MYO5B: variants seen among roughly 807,000 people sequenced by gnomAD.
MYO5B encodes unconventional myosin-Vb.
In MYO5B, 143 loss-of-function variants were observed where a neutral mutation model predicts 229.3. The ratio of observed to expected loss-of-function variants is 0.62; its 90% CI spans 0.54 to 0.72. The LOEUF (loss-of-function observed/expected upper bound fraction) is 0.72. Ranked by LOEUF, MYO5B falls within the 30% of genes least tolerant of loss-of-function variation. MYO5B has a pLI of 0.00. For missense variants in MYO5B, 2,321 were observed against 2,331.0 expected (o/e 1.00, Z 0.09); for synonymous variants, 918 against 885.2 (o/e 1.04, Z -0.66).
chr18:50,104,928 C>T (rs758209370), intron 1 of MYO5B, among the ~76,000 whole-genome samples: 3 of 152,064 alleles, frequency 2.0e-5, no homozygotes, highest in African/African-American at 4.8e-5. Context: ...CACTTGTGGG[C>T]TGGCTGGTGC....
chr18:49,915,138 CT>C (rs201281103), intron 17 of MYO5B, among the ~76,000 whole-genome samples: 6 of 151,612 alleles, frequency 4.0e-5, no homozygotes, highest in South Asian at 2.1e-4. Flanking sequence ...CTCCCTTTTC[CT>C]TTTTTTTTCC....
At chr18:49,851,936 TGAG>T (rs1350270310) in intron 31 of MYO5B, among the ~76,000 whole-genome samples, 6 of 152,144 alleles carry the variant, frequency 3.9e-5, no homozygotes, top group Admixed American at 1.3e-4. Flanking sequence ...TCTGGGCAAA[TGAG>T]GAGGACCACG....
At chr18:50,001,177 C>G (rs1357516849) in intron 5 of MYO5B, 78 bp downstream of exon 5, 3 of 1,591,058 alleles carry the variant, frequency 1.9e-6, no homozygotes, top group Non-Finnish European at 2.6e-6. Flanking sequence ...GGCTGCCACC[C>G]AGGCTTGACG....
chr18:50,006,256 T>A (rs187160725), intron 4 of MYO5B, among the ~76,000 whole-genome samples: 307 of 152,318 alleles, frequency 2.0e-3, no homozygotes, highest in African/African-American at 7.1e-3. Flanking sequence ...TCTGACCCAA[T>A]GTCCTTCAAA....
chr18:49,991,695 G>A (rs2025934555), intron 6 of MYO5B, among the ~76,000 whole-genome samples: 1 of 152,246 alleles, frequency 6.6e-6, no homozygotes, highest in Middle Eastern at 3.4e-3. Context: ...GCTAGGGGAG[G>A]GATAGCATTA....
At chr18:49,977,987 C>T (rs1242991513) in intron 9 of MYO5B, among the ~76,000 whole-genome samples, 4 of 152,226 alleles carry the variant, frequency 2.6e-5, no homozygotes, top group South Asian at 2.1e-4. Context: ...TTGGCCATCT[C>T]GACTTAGAGT....
intron 29 of MYO5B, among the ~76,000 whole-genome samples, chr18:49,861,951 T>C (rs1186951212): frequency 2.6e-5 from 4 of 152,076 alleles, no homozygotes; most frequent in Non-Finnish European, 5.9e-5. Flanking sequence ...ATTCTATTAG[T>C]TGAGGTAAGA....
intron 2 of MYO5B, among the ~76,000 whole-genome samples, chr18:50,043,673 T>G (rs1490321167): frequency 2.9e-5 from 4 of 139,568 alleles, no homozygotes; most frequent in Non-Finnish European, 6.1e-5. Flanking sequence ...ATAAAATATA[T>G]TTATAAATAT....
intron 1 of MYO5B, among the ~76,000 whole-genome samples, chr18:50,094,805 C>T (rs1332074418): frequency 6.6e-6 from 1 of 151,940 alleles, no homozygotes; most frequent in Non-Finnish European, 1.5e-5. Flanking sequence ...GGATCTATTG[C>T]CTATGGACTT....
intron 29 of MYO5B, among the ~76,000 whole-genome samples, chr18:49,862,492 G>A (rs768277650): frequency 5.3e-5 from 8 of 152,172 alleles, no homozygotes; most frequent in Non-Finnish European, 8.8e-5. Context: ...CCAGTTCACA[G>A]ATGAGGCAAC....
chr18:50,052,303 C>G (rs1320561910), intron 2 of MYO5B, among the ~76,000 whole-genome samples: 1 of 151,056 alleles, frequency 6.6e-6, no homozygotes, highest in Non-Finnish European at 1.5e-5. Flanking sequence ...TTGGAACCAA[C>G]CCAAATGTCC....
chr18:49,837,203 T>C (rs1247935306), intron 37 of MYO5B, among the ~76,000 whole-genome samples: 1 of 152,266 alleles, frequency 6.6e-6, no homozygotes, highest in African/African-American at 2.4e-5. Flanking sequence ...TATACTTCTA[T>C]GTGAGCCTTC....
At chr18:49,861,984 G>A (rs931576035) in intron 29 of MYO5B, among the ~76,000 whole-genome samples, 1 of 150,802 alleles carries the variant, frequency 6.6e-6, no homozygotes, top group Non-Finnish European at 1.5e-5. Flanking sequence ...CAGGGAAGAG[G>A]CCAGCTCCAT....
intron 5 of MYO5B, among the ~76,000 whole-genome samples, chr18:49,997,773 A>G (rs892368995): frequency 4.6e-5 from 7 of 152,094 alleles, no homozygotes; most frequent in African/African-American, 1.4e-4. Flanking sequence ...AGCATAGACC[A>G]CTGGGATTTC....
chr18:49,939,337 G>T (rs970815225), intron 14 of MYO5B, among the ~76,000 whole-genome samples: 1 of 151,702 alleles, frequency 6.6e-6, no homozygotes, highest in Non-Finnish European at 1.5e-5. Context: ...GTACAGACAG[G>T]GTTTCACCAT....
chr18:50,111,779 T>A (rs1252624174), intron 1 of MYO5B, among the ~76,000 whole-genome samples: 1 of 152,228 alleles, frequency 6.6e-6, no homozygotes, highest in Non-Finnish European at 1.5e-5. Context: ...GGGACTGGAA[T>A]TTCTAAGTCT....
At chr18:50,014,357 G>A (rs1274201654) in intron 4 of MYO5B, among the ~76,000 whole-genome samples, 1 of 151,092 alleles carries the variant, frequency 6.6e-6, no homozygotes, top group East Asian at 1.9e-4. Flanking sequence ...TGATAATGCA[G>A]TGGTCTTCTT....
At chr18:50,022,312 T>C (rs1724505601) in intron 4 of MYO5B, among the ~76,000 whole-genome samples, 1 of 152,234 alleles carries the variant, frequency 6.6e-6, no homozygotes, top group Non-Finnish European at 1.5e-5. Context: ...ATTGAGATAC[T>C]GTTCTAATGG....
chr18:49,830,431 C>G (rs2144019732), intron 39 of MYO5B, among the ~76,000 whole-genome samples: 1 of 152,280 alleles, frequency 6.6e-6, no homozygotes, highest in South Asian at 2.1e-4. Context: ...ACTACATAAG[C>G]AATCTACAGA....
Sources: gnomAD v4.1 joint callset for allele counts (sites outside exome capture counted in the v4.1 genomes callset) on GRCh38, gnomAD v4.1.1 for gene constraint, MANE v1.5 for transcripts, NCBI Gene and HGNC (gene_info 2026-07-23, HGNC 2026-07-21) for gene names.